Variants in KIF13A observed in about 807,000 individuals in gnomAD.
KIF13A encodes the protein kinesin-like protein KIF13A.
A neutral mutation model predicts 212.2 loss-of-function variants in KIF13A; 79 were observed. The ratio of observed to expected loss-of-function variants is 0.37; its 90% CI spans 0.31 to 0.45. The LOEUF (loss-of-function observed/expected upper bound fraction) is 0.45. Ranked by LOEUF, KIF13A falls within the 20% of genes least tolerant of loss-of-function variation. The probability of loss-of-function intolerance (pLI) is 1.00; values close to 1 mark genes in which losing one functional copy is unlikely to be tolerated. For missense variants in KIF13A, 1,901 were observed against 2,209.0 expected, an observed-to-expected ratio of 0.86 and a Z score of 2.79; for synonymous variants, 789 against 808.6, an observed-to-expected ratio of 0.98 and a Z score of 0.41.
At position 17,787,493 on chromosome 6, in the gene KIF13A, A is replaced by G. The variant is rs1388801139; in HGVS notation, c.3361+283T>C. ...CAAAGTGAGACCCCATCTACAAAAC[A>G]TTTAAAAATGAGCCAGGAGTGGTAG... On this transcript the variant is annotated intron_variant, in intron 27 of 38. Coordinates refer to ENST00000259711, the MANE Select transcript of KIF13A (RefSeq NM_022113.6). The surrounding 1 kb of genome is among the most constrained non-coding windows in gnomAD (Gnocchi z 4.6). Among the ~76,000 whole-genome samples, 1 of 152,140 alleles carries G rather than the reference A, an allele frequency of 6.6e-6. No individual in the cohort carries two copies. Among genetic ancestry groups the G allele is most frequent in the East Asian group, 1.9e-4 (1 of 5,182 alleles).
intron 25 of KIF13A, 136 bp from the exon 26 acceptor site, chr6:17,790,046 ATCTC>A: frequency 6.3e-6 from 4 of 633,232 alleles, no homozygotes; most frequent in Admixed American, 6.4e-5. Flanking sequence ...ACTAAATTGA[ATCTC>A]AAAAAAGGTA....
chr6:17,970,524 G>A (rs146581313), intron 2 of KIF13A, among the ~76,000 whole-genome samples: 4 of 152,132 alleles, frequency 2.6e-5, no homozygotes, highest in East Asian at 1.9e-4. Flanking sequence ...ATTTCAGATC[G>A]CTTACATGCT....
At chr6:17,964,180 C>G (rs1212610029) in intron 2 of KIF13A, among the ~76,000 whole-genome samples, 1 of 152,146 alleles carries the variant, frequency 6.6e-6, no homozygotes, top group Non-Finnish European at 1.5e-5. Flanking sequence ...GTATATTAGC[C>G]AAGAACTAAT....
At chr6:17,979,509 T>C (rs1270690848) in intron 2 of KIF13A, among the ~76,000 whole-genome samples, 1 of 152,202 alleles carries the variant, frequency 6.6e-6, no homozygotes, top group Non-Finnish European at 1.5e-5. Flanking sequence ...CAAAATGCTT[T>C]TGGTGTGTGG....
Position 17,849,310 on chromosome 6 carries a change from C to T in KIF13A, c.830+67G>A. On this transcript the variant is annotated intron_variant, in intron 9 of 38. Coordinates refer to ENST00000259711, the MANE Select transcript of KIF13A (RefSeq NM_022113.6). The surrounding 1 kb of genome is among the most constrained non-coding windows in gnomAD (Gnocchi z 5.7). ...AACCTGTACATCAGAACCATCTGAC[C>T]CTCATAATGCAACAAATCCCCTCCA... 2 of 1,114,070 alleles carry T rather than the reference C, an allele frequency of 1.8e-6. No homozygotes were observed. The allele number at this position is 1,114,070 out of a possible 1,614,324, so 69.0% of individuals were successfully genotyped here. A position where few individuals can be genotyped will look rare whatever the true frequency, so the allele number is the denominator to read the frequency against.
At position 17,769,564 on chromosome 6, in the gene KIF13A, G is replaced by A. The variant is rs758936958; in HGVS notation, c.4581+1550C>T. Among the ~76,000 whole-genome samples, 35 of 152,130 alleles carry A rather than the reference G, an allele frequency of 2.3e-4. No individual in the cohort carries two copies. Among genetic ancestry groups the A allele is most frequent in the Non-Finnish European group, 3.8e-4 (26 of 68,020 alleles). ...ATTAAAGAGAAAGTGAAGAAAACAC[G>A]AGCCTAGCTCTGTGAACTGTGAAAC... On this transcript the variant is annotated intron_variant, in intron 38 of 38. Transcript: ENST00000259711. This position sits in a 1 kb window ranked among gnomAD's most constrained non-coding sequence, Gnocchi z 5.8.
chr6:17,954,158 A>C (rs1223476981), intron 2 of KIF13A, among the ~76,000 whole-genome samples: 2 of 151,880 alleles, frequency 1.3e-5, no homozygotes, highest in African/African-American at 4.8e-5. Flanking sequence ...AAAATTAGCC[A>C]GGTGTGGTGG....
chr6:17,772,380 G>C lies in KIF13A; in HGVS notation c.4325-321C>G, dbSNP rs2150293586. Reference sequence around the variant, plus strand: ...GTTATAATGGTGCCACTGCACTCCAGCCCGGGCAAGAGAGAGAGAGGGAGA... The same window carrying C: ...GTTATAATGGTGCCACTGCACTCCACCCCGGGCAAGAGAGAGAGAGGGAGA... On this transcript the variant is annotated intron_variant, in intron 36 of 38. Transcript: ENST00000259711. This position sits in a 1 kb window ranked among gnomAD's most constrained non-coding sequence, Gnocchi z 4.8. Among the ~76,000 whole-genome samples the C allele has an allele frequency of 1.3e-5, 2 of 152,158 alleles. No homozygotes were observed. The highest frequency in any genetic ancestry group is 4.2e-4 in the South Asian group (2 of 4,814).
chr6:17,874,283 G>GT (rs67558921), intron 3 of KIF13A, among the ~76,000 whole-genome samples: 21 of 147,940 alleles, frequency 1.4e-4, no homozygotes, highest in African/African-American at 4.4e-4. Flanking sequence ...TTTTGTTTTT[G>GT]TTTTTTGGTG....
intron 16 of KIF13A, among the ~76,000 whole-genome samples, chr6:17,821,588 T>TGTGTGTGTGTGTG (rs11270201): frequency 2.9e-4 from 42 of 146,278 alleles, no homozygotes; most frequent in East Asian, 6.0e-4. Flanking sequence ...TGTGTGTGTG[T>TGTGTGTGTGTGTG]TGGGGGTGGG....
intron 2 of KIF13A, among the ~76,000 whole-genome samples, chr6:17,962,825 A>T (rs1778957826): frequency 6.6e-6 from 1 of 152,130 alleles, no homozygotes; most frequent in African/African-American, 2.4e-5. Context: ...AATCTTCCTC[A>T]TGCTTGACTC....
intron 9 of KIF13A, among the ~76,000 whole-genome samples, chr6:17,848,894 C>A (rs1767357602): frequency 6.6e-6 from 1 of 152,060 alleles, no homozygotes; most frequent in African/African-American, 2.4e-5. Context: ...AGTTGTGAGC[C>A]ACCGTACCTA....
At position 17,775,054 on chromosome 6, in the gene KIF13A, G is replaced by T. The variant is rs1167860068; in HGVS notation, c.4179C>A (p.Ser1393=). 1.2e-6 allele frequency: 2 copies of T among 1,611,360 alleles called. No homozygotes were observed. The highest frequency in any genetic ancestry group is 3.3e-4 in the Middle Eastern group (2 of 6,060). ...LSTPNVHNVS[S]SRPDLSGFDE... The stretch of plus-strand genomic sequence containing the variant: ...CAAAGCCAGAAAGGTCCGGTCGGCT[G>T]GAAGAGACCTATAAGAGAAGAATGG... The change falls in exon 35 of 39, where the codon TCC becomes TCA. Residue 1393 remains serine, a synonymous_variant. Coordinates refer to ENST00000259711, the MANE Select transcript of KIF13A (RefSeq NM_022113.6).
At chr6:17,891,674 C>T (rs1772073035) in intron 3 of KIF13A, among the ~76,000 whole-genome samples, 1 of 152,056 alleles carries the variant, frequency 6.6e-6, no homozygotes, top group African/African-American at 2.4e-5. Flanking sequence ...AGGAGGATTG[C>T]TTGAGCCCAG....
Position 17,951,839 on chromosome 6 carries a change from T to C in KIF13A, c.146+35215A>G, listed in dbSNP as rs1777869826. Among the ~76,000 whole-genome samples, 1 of 152,230 alleles carries C rather than the reference T, an allele frequency of 6.6e-6. No individual in the cohort carries two copies. Among genetic ancestry groups the C allele is most frequent in the South Asian group, 2.1e-4 (1 of 4,832 alleles). ...AATTCCACTGTATGAATATATCACATATTCTTCATCAGTTGATGGACATTT... is the reference window on the plus strand; with the variant it reads ...AATTCCACTGTATGAATATATCACACATTCTTCATCAGTTGATGGACATTT... On this transcript the variant is annotated intron_variant, in intron 2 of 38. Coordinates refer to ENST00000259711, the MANE Select transcript of KIF13A (RefSeq NM_022113.6). This position sits in a 1 kb window ranked among gnomAD's most constrained non-coding sequence, Gnocchi z 4.9.
intron 3 of KIF13A, among the ~76,000 whole-genome samples, chr6:17,889,647 G>C (rs2150466951): frequency 6.6e-6 from 1 of 152,222 alleles, no homozygotes; most frequent in East Asian, 1.9e-4. Flanking sequence ...TGATGTCAAA[G>C]AAAATACACT....
In KIF13A at chr6:17,975,297, G is replaced by A. The variant is rs544131501; in HGVS notation, c.146+11757C>T. Among the ~76,000 whole-genome samples the A allele has an allele frequency of 3.0e-4, 46 of 152,076 alleles. 1 individual carries two copies. The highest frequency in any genetic ancestry group is 1.8e-3 in the Admixed American group (27 of 15,244). On this transcript the variant is annotated intron_variant, in intron 2 of 38. Coordinates refer to ENST00000259711, the MANE Select transcript of KIF13A (RefSeq NM_022113.6). The stretch of plus-strand genomic sequence containing the variant: ...GAATCTGGGAGGTGAAGGTTGCAAT[G>A]AGCTGAGACTGTGTTCCGAATTAGT...
intron 17 of KIF13A, among the ~76,000 whole-genome samples, chr6:17,815,157 A>G (rs552005354): frequency 1.3e-5 from 2 of 152,316 alleles, no homozygotes; most frequent in East Asian, 3.9e-4. Context: ...GACAGCTTAC[A>G]CCATTATTTC....
intron 25 of KIF13A, among the ~76,000 whole-genome samples, chr6:17,793,075 A>T (rs1024361021): frequency 5.3e-5 from 8 of 151,794 alleles, no homozygotes; most frequent in African/African-American, 1.9e-4. Context: ...CTACTGGGGG[A>T]CAAGATCCTA....
Sources: allele counts gnomAD v4.1 joint callset (sites outside exome capture counted in the v4.1 genomes callset), GRCh38; gene constraint gnomAD v4.1.1; non-coding constraint Gnocchi (gnomAD v3.1); transcripts MANE v1.5; gene names NCBI Gene and HGNC (gene_info 2026-07-23, HGNC 2026-07-21).